Variants in NYAP2 observed in about 807,000 individuals in gnomAD.
The protein encoded by NYAP2 is neuronal tyrosine-phosphorylated phosphoinositide-3-kinase adaptor 2.
Under a neutral mutation model 50.4 loss-of-function variants are expected in NYAP2, and 23 were observed. That is an observed-to-expected ratio of 0.46 (90% CI 0.33 to 0.65). The LOEUF (loss-of-function observed/expected upper bound fraction) is 0.65, where lower values mean the gene tolerates loss of function less well. Among genes scored for constraint, NYAP2 ranks in the 30% least tolerant of loss-of-function variants. The pLI is 0.02. For missense variants in NYAP2, 885 were observed against 861.0 expected (o/e 1.03, Z -0.35); for synonymous variants, 394 against 365.2 (o/e 1.08, Z -0.90).
chr2:225,574,776 G>T (rs775952793), intron 4 of NYAP2, among the ~76,000 whole-genome samples: 2 of 152,158 alleles, frequency 1.3e-5, no homozygotes, highest in Non-Finnish European at 2.9e-5. Context: ...GTGTTTGTGA[G>T]ATGCTTTAGA....
At chr2:225,662,307 C>A in the NYAP2 span, among the ~76,000 whole-genome samples, 1 of 152,244 alleles carries the variant, frequency 6.6e-6, no homozygotes, top group Non-Finnish European at 1.5e-5. Context: ...ATCAGCCCTG[C>A]AGCTGTGCAT....
At chr2:225,537,866 T>A (rs1691379000) in intron 4 of NYAP2, among the ~76,000 whole-genome samples, 2 of 152,184 alleles carry the variant, frequency 1.3e-5, no homozygotes, top group Non-Finnish European at 2.9e-5. Context: ...ACTTCCTAGA[T>A]ACAATGGGGA....
At chr2:225,573,569 T>C (rs1167578233) in intron 4 of NYAP2, among the ~76,000 whole-genome samples, 1 of 152,094 alleles carries the variant, frequency 6.6e-6, no homozygotes, top group African/African-American at 2.4e-5. Flanking sequence ...TATTATTTCT[T>C]GTTGTTCTGT....
chr2:225,422,223 G>A (rs937588975), intron 3 of NYAP2, among the ~76,000 whole-genome samples: 34 of 152,136 alleles, frequency 2.2e-4, no homozygotes, highest in Non-Finnish European at 3.7e-4. Flanking sequence ...AGATCGGGAA[G>A]GGGGAAGGAA....
At chr2:225,627,741 C>T (rs1693234211) in intron 6 of NYAP2, among the ~76,000 whole-genome samples, 1 of 152,184 alleles carries the variant, frequency 6.6e-6, no homozygotes, top group Non-Finnish European at 1.5e-5. Flanking sequence ...TGCAATTTTA[C>T]ATGGTTAATA....
intron 4 of NYAP2, among the ~76,000 whole-genome samples, chr2:225,565,532 G>A (rs1691946415): frequency 6.6e-6 from 1 of 152,132 alleles, no homozygotes; most frequent in African/African-American, 2.4e-5. Flanking sequence ...GGTATTGGCA[G>A]CATTAATTTT....
At chr2:225,468,684 A>G (rs1689963791) in intron 3 of NYAP2, among the ~76,000 whole-genome samples, 1 of 152,204 alleles carries the variant, frequency 6.6e-6, no homozygotes, top group African/African-American at 2.4e-5. Context: ...CTACAGCAAT[A>G]CACAAAACCA....
chr2:225,406,536 T>A (rs1574597763), intron 2 of NYAP2, among the ~76,000 whole-genome samples: 1 of 151,936 alleles, frequency 6.6e-6, no homozygotes, highest in East Asian at 1.9e-4. Context: ...CATTAGGGCT[T>A]TTCATAACAC....
intron 4 of NYAP2, among the ~76,000 whole-genome samples, chr2:225,563,423 G>T (rs1559215356): frequency 6.6e-6 from 1 of 152,130 alleles, no homozygotes; most frequent in Non-Finnish European, 1.5e-5. Flanking sequence ...CTGAATCACT[G>T]AAAGAGAAGC....
At chr2:225,654,547 G>T (rs149234989), downstream of NYAP2, among the ~76,000 whole-genome samples, 179 of 152,128 alleles carry the variant, frequency 1.2e-3, 1 homozygote, top group East Asian at 0.032. Context: ...AGCTGGACGT[G>T]GTGGCACACA....
At position 225,544,929 on chromosome 2, in the gene NYAP2, G is replaced by A. The variant is rs530102347; in HGVS notation, c.523+31257G>A. ...GGGAAGGTTTTTATTTCTTCTTCAT[G>A]CTTGAAGGATATTTTTGCTAGACAT... On this transcript the variant is annotated intron_variant, in intron 4 of 6. Transcript: ENST00000636099. Among the ~76,000 whole-genome samples, 3 of 152,188 alleles carry A rather than the reference G, an allele frequency of 2.0e-5. 1 individual carries two copies. The highest frequency in any genetic ancestry group is 7.2e-5 in the African/African-American group (3 of 41,564).
intron 3 of NYAP2, among the ~76,000 whole-genome samples, chr2:225,483,482 A>C (rs1309703753): frequency 3.3e-5 from 5 of 152,222 alleles, no homozygotes; most frequent in Admixed American, 1.3e-4. Context: ...CTGTTTGTGG[A>C]ACTGGTAAAC....
intron 3 of NYAP2, among the ~76,000 whole-genome samples, chr2:225,439,647 G>A (rs1290195105): frequency 1.3e-5 from 2 of 152,170 alleles, no homozygotes; most frequent in South Asian, 2.1e-4. Flanking sequence ...AGTGGAGGGG[G>A]ACAACAGTGA....
chr2:225,452,752 T>C (rs1046436502), intron 3 of NYAP2, among the ~76,000 whole-genome samples: 1 of 152,160 alleles, frequency 6.6e-6, no homozygotes, highest in African/African-American at 2.4e-5. Flanking sequence ...GACAATACAA[T>C]CCACTAATGC....
At chr2:225,603,498 T>G (rs957337140) in intron 5 of NYAP2, among the ~76,000 whole-genome samples, 1 of 152,200 alleles carries the variant, frequency 6.6e-6, no homozygotes, top group Non-Finnish European at 1.5e-5. Context: ...AGTCTCACTC[T>G]GTCACCCCGC....
intron 3 of NYAP2, among the ~76,000 whole-genome samples, chr2:225,441,275 G>A (rs1170246905): frequency 6.6e-6 from 1 of 152,088 alleles, no homozygotes; most frequent in South Asian, 2.1e-4. Context: ...ATATAACTGG[G>A]AAAATGATAG....
At chr2:225,473,691 T>G (rs1317602311) in intron 3 of NYAP2, among the ~76,000 whole-genome samples, 1 of 152,244 alleles carries the variant, frequency 6.6e-6, no homozygotes. Context: ...TTGAGTTCTT[T>G]GTAGATTCTG....
At chr2:225,664,092 G>T in the NYAP2 span, among the ~76,000 whole-genome samples, 1 of 152,110 alleles carries the variant, frequency 6.6e-6, no homozygotes, top group Non-Finnish European at 1.5e-5. Context: ...TTTTGCATCA[G>T]AGAGGAACTC....
intron 6 of NYAP2, among the ~76,000 whole-genome samples, chr2:225,645,114 C>T (rs1031708423): frequency 2.0e-5 from 3 of 151,858 alleles, no homozygotes; most frequent in South Asian, 2.1e-4. Context: ...ACAGGTTAGC[C>T]GTCCATGGTG....
Sources: allele counts gnomAD v4.1 joint callset (sites outside exome capture counted in the v4.1 genomes callset), GRCh38; gene constraint gnomAD v4.1.1; transcripts MANE v1.5; gene names NCBI Gene and HGNC (gene_info 2026-07-23, HGNC 2026-07-21).